Variants in SCFD2 observed in about 807,000 individuals in gnomAD.
SCFD2 encodes sec1 family domain containing 2, also known as sec1 family domain-containing protein 2.
A neutral mutation model predicts 58.9 loss-of-function variants in SCFD2; 54 were observed. The observed-to-expected ratio is 0.92, with a 90% confidence interval of 0.74 to 1.15. SCFD2 has a LOEUF of 1.15. Ranked by LOEUF, SCFD2 falls within the 50% of genes most tolerant of loss-of-function variation. The probability of loss-of-function intolerance (pLI) is 0.00; values close to 1 mark genes in which losing one functional copy is unlikely to be tolerated. For missense variants in SCFD2, 805 were observed against 836.6 expected (o/e 0.96, Z 0.47); for synonymous variants, 321 against 335.9 (o/e 0.96, Z 0.49).
chr4:52,972,166 A>G (rs1302910229), intron 5 of SCFD2, among the ~76,000 whole-genome samples: 6 of 152,200 alleles, frequency 3.9e-5, no homozygotes, highest in Admixed American at 2.0e-4. Flanking sequence ...ACATATAACA[A>G]TACTAACCTT....
At chr4:53,126,042 G>T (rs988057015) in intron 5 of SCFD2, among the ~76,000 whole-genome samples, 9 of 152,174 alleles carry the variant, frequency 5.9e-5, no homozygotes, top group African/African-American at 2.2e-4. Context: ...TGCTGAGGGA[G>T]TTCAAGGGAA....
At chr4:53,152,013 G>A (rs751816231) in intron 4 of SCFD2, among the ~76,000 whole-genome samples, 1 of 152,146 alleles carries the variant, frequency 6.6e-6, no homozygotes, top group Non-Finnish European at 1.5e-5. Context: ...AGCTATTAAT[G>A]AGGGATCTAC....
intron 5 of SCFD2, among the ~76,000 whole-genome samples, chr4:53,084,145 A>T (rs988499218): frequency 6.6e-6 from 1 of 152,148 alleles, no homozygotes; most frequent in African/African-American, 2.4e-5. Flanking sequence ...GCTGCAGACC[A>T]GGGCATATCT....
At chr4:53,067,634 CT>C (rs1355794970) in intron 5 of SCFD2, among the ~76,000 whole-genome samples, 4 of 152,008 alleles carry the variant, frequency 2.6e-5, no homozygotes, top group Non-Finnish European at 5.9e-5. Context: ...TGGTTTCATT[CT>C]TCTCTCACCT....
chr4:52,886,994 G>T (rs537274307), intron 7 of SCFD2, among the ~76,000 whole-genome samples: 2 of 152,200 alleles, frequency 1.3e-5, no homozygotes, highest in East Asian at 3.9e-4. Flanking sequence ...CTATTTGTTT[G>T]TTTATTTATT....
chr4:52,873,857 C>G lies in SCFD2; in HGVS notation c.*112G>C. The G allele has an allele frequency of 1.4e-6, 1 of 713,498 alleles. No homozygotes were observed. Among genetic ancestry groups the G allele is most frequent in the Non-Finnish European group, 2.5e-6 (1 of 401,498 alleles). 44.2% of individuals were successfully genotyped at this position (713,498 alleles called of 1,614,324 possible). Reference sequence around the variant, plus strand: ...CAAGACCCTTCAGGCAGAATTCCATCATTCTCGCAATTAGTGACAGGGACG... The same window carrying G: ...CAAGACCCTTCAGGCAGAATTCCATGATTCTCGCAATTAGTGACAGGGACG... On this transcript the variant is annotated 3_prime_UTR_variant, in exon 9 of 9. Coordinates refer to ENST00000401642, the MANE Select transcript of SCFD2 (RefSeq NM_152540.4).
chr4:53,015,185 A>G (rs964883751), intron 5 of SCFD2, among the ~76,000 whole-genome samples: 7 of 152,166 alleles, frequency 4.6e-5, no homozygotes, highest in African/African-American at 1.7e-4. Context: ...TAATTTTAAC[A>G]GAGTAAATAC....
chr4:52,904,739 A>G (rs1479696575), intron 7 of SCFD2, among the ~76,000 whole-genome samples: 2 of 152,246 alleles, frequency 1.3e-5, no homozygotes, highest in African/African-American at 4.8e-5. Context: ...TTAACTTCCA[A>G]GAAAATGCCT....
At chr4:53,052,431 A>T (rs1723211650) in intron 5 of SCFD2, among the ~76,000 whole-genome samples, 1 of 152,232 alleles carries the variant, frequency 6.6e-6, no homozygotes, top group African/African-American at 2.4e-5. Flanking sequence ...AGTGACTGGC[A>T]TCTAGTACAT....
At chr4:53,052,376 C>T (rs13152478) in intron 5 of SCFD2, among the ~76,000 whole-genome samples, 33,859 of 152,114 alleles carry the variant, frequency 0.22, 4,072 homozygotes, top group East Asian at 0.27. Flanking sequence ...TCTAAATTAG[C>T]GCAGAATCTT....
intron 4 of SCFD2, among the ~76,000 whole-genome samples, chr4:53,201,975 T>G (rs1728256598): frequency 6.6e-6 from 1 of 152,204 alleles, no homozygotes; most frequent in South Asian, 2.1e-4. Flanking sequence ...TTCTGAAGGT[T>G]GCCTGTTCAC....
chr4:53,012,355 T>TTC (rs71195197), intron 5 of SCFD2, among the ~76,000 whole-genome samples: 58,456 of 145,728 alleles, frequency 0.4, 12,181 homozygotes, highest in East Asian at 0.61. Context: ...CTCTCTCTCT[T>TTC]TCTCTCTCTC....
chr4:53,159,484 G>A (rs1726790955), intron 4 of SCFD2, among the ~76,000 whole-genome samples: 1 of 152,128 alleles, frequency 6.6e-6, no homozygotes, highest in Non-Finnish European at 1.5e-5. Context: ...TTATGACAAG[G>A]ATTCTGACTA....
chr4:53,221,438 G>T (rs1249840288), intron 4 of SCFD2, among the ~76,000 whole-genome samples: 1 of 152,100 alleles, frequency 6.6e-6, no homozygotes, highest in Non-Finnish European at 1.5e-5. Flanking sequence ...AATAAAAACT[G>T]TAATATTAAA....
chr4:52,971,476 G>C (rs528753720), intron 5 of SCFD2, among the ~76,000 whole-genome samples: 2 of 152,158 alleles, frequency 1.3e-5, no homozygotes, highest in Non-Finnish European at 2.9e-5. Flanking sequence ...AAAAAGAATA[G>C]AAAGAAATGA....
At chr4:52,904,407 C>A (rs776444212) in intron 7 of SCFD2, among the ~76,000 whole-genome samples, 3 of 152,188 alleles carry the variant, frequency 2.0e-5, no homozygotes, top group Non-Finnish European at 2.9e-5. Context: ...AGCAGAGCAG[C>A]AAGCGACAAG....
intron 4 of SCFD2, among the ~76,000 whole-genome samples, chr4:53,170,308 G>A (rs1727142949): frequency 6.6e-6 from 1 of 152,102 alleles, no homozygotes; most frequent in Non-Finnish European, 1.5e-5. Flanking sequence ...CCCACTGTGT[G>A]GATTGGGCAT....
intron 5 of SCFD2, among the ~76,000 whole-genome samples, chr4:53,139,603 C>A (rs367752642): frequency 1.3e-5 from 2 of 150,920 alleles, no homozygotes; most frequent in East Asian, 2.0e-4. Flanking sequence ...GCAGCCCCCG[C>A]CCGGCTGCTG....
intron 5 of SCFD2, among the ~76,000 whole-genome samples, chr4:52,991,552 A>G (rs1435928387): frequency 1.3e-5 from 2 of 152,164 alleles, no homozygotes; most frequent in Non-Finnish European, 2.9e-5. Context: ...TTGGGGGACA[A>G]GACTGGCACC....
Sources: allele counts gnomAD v4.1 joint callset (sites outside exome capture counted in the v4.1 genomes callset), GRCh38; gene constraint gnomAD v4.1.1; transcripts MANE v1.5; gene names NCBI Gene and HGNC (gene_info 2026-07-23, HGNC 2026-07-21).